Variants in ZFHX3 observed in about 807,000 individuals in gnomAD.
ZFHX3 encodes zinc finger homeobox 3.
A neutral mutation model predicts 279.1 loss-of-function variants in ZFHX3; 42 were observed. The observed-to-expected ratio is 0.15, with a 90% confidence interval of 0.12 to 0.19. The LOEUF (loss-of-function observed/expected upper bound fraction) is 0.19, where lower values mean the gene tolerates loss of function less well. Ranked by LOEUF, ZFHX3 falls within the 10% of genes least tolerant of loss-of-function variation. The pLI is 1.00. For missense variants in ZFHX3, 4,981 were observed against 4,754.0 expected (o/e 1.05, Z -1.40); for synonymous variants, 2,293 against 1,957.8 (o/e 1.17, Z -4.52).
chr16:73,597,646 C>A (rs796740960), intron 2 of ZFHX3, among the ~76,000 whole-genome samples: 1 of 152,152 alleles, frequency 6.6e-6, no homozygotes, highest in African/African-American at 2.4e-5. Flanking sequence ...GATGCATCCA[C>A]AAGCCAAGGA....
chr16:73,012,550 G>T (rs1174878835), intron 1 of ZFHX3, among the ~76,000 whole-genome samples: 1 of 152,140 alleles, frequency 6.6e-6, no homozygotes, highest in Non-Finnish European at 1.5e-5. Context: ...CCCAACGGTG[G>T]CTACACACTA....
At chr16:73,780,906 AC>A (rs1293761484) in intron 1 of ZFHX3, among the ~76,000 whole-genome samples, 4 of 152,200 alleles carry the variant, frequency 2.6e-5, no homozygotes, top group Non-Finnish European at 5.9e-5. Context: ...TTTTTTAGAT[AC>A]CTATTTGCTA....
chr16:73,404,849 T>G (rs994243907), intron 3 of ZFHX3, among the ~76,000 whole-genome samples: 1 of 152,174 alleles, frequency 6.6e-6, no homozygotes, highest in Non-Finnish European at 1.5e-5. Context: ...GGAAGGCCCA[T>G]TCGAAGCACT....
chr16:73,343,807 G>A (rs1309046997), intron 3 of ZFHX3, among the ~76,000 whole-genome samples: 1 of 152,164 alleles, frequency 6.6e-6, no homozygotes, highest in Non-Finnish European at 1.5e-5. Context: ...AATAAATCAT[G>A]ATGGTAATGG....
chr16:73,426,122 C>T (rs1285338527), intron 3 of ZFHX3, among the ~76,000 whole-genome samples: 1 of 152,200 alleles, frequency 6.6e-6, no homozygotes, highest in Non-Finnish European at 1.5e-5. Context: ...CTGGGCCGCC[C>T]ATGAGCCCTG....
intron 4 of ZFHX3, among the ~76,000 whole-genome samples, chr16:73,272,421 T>C (rs2014171915): frequency 6.6e-6 from 1 of 152,214 alleles, no homozygotes. Context: ...GTTAAGTCAA[T>C]ACATATGACA....
chr16:73,729,811 T>C (rs1463594527), intron 1 of ZFHX3, among the ~76,000 whole-genome samples: 1 of 152,186 alleles, frequency 6.6e-6, no homozygotes, highest in Non-Finnish European at 1.5e-5. Flanking sequence ...CCCATGAGGC[T>C]CTATGGGGTC....
At chr16:73,416,700 C>T (rs1408767770) in intron 3 of ZFHX3, among the ~76,000 whole-genome samples, 6 of 151,882 alleles carry the variant, frequency 4.0e-5, no homozygotes, top group African/African-American at 7.2e-5. Flanking sequence ...GGTGAAACCC[C>T]CGTCTCTACT....
At chr16:73,179,492 T>G (rs974570363) in intron 5 of ZFHX3, among the ~76,000 whole-genome samples, 23 of 152,144 alleles carry the variant, frequency 1.5e-4, no homozygotes, top group African/African-American at 5.3e-4. Flanking sequence ...ACAAATTTAC[T>G]AGCACAAGTG....
Position 72,795,149 on chromosome 16 carries a change from G to C in ZFHX3, c.7533C>G (p.Pro2511=). 1 of 1,613,022 alleles carries C rather than the reference G, an allele frequency of 6.2e-7. No homozygotes were observed. The highest frequency in any genetic ancestry group is 8.5e-7 in the Non-Finnish European group (1 of 1,179,358). ...PSQLSHLPLK[P]LHTSTPQQLA... Reference sequence around the variant, plus strand: ...GCTGTTGAGGAGTTGATGTGTGGAGGGGCTTGAGGGGCAGGTGGGAGAGCT... The same window carrying C: ...GCTGTTGAGGAGTTGATGTGTGGAGCGGCTTGAGGGGCAGGTGGGAGAGCT... The change falls in exon 9 of 10, where the codon CCC becomes CCG. Residue 2511 remains proline (P), a synonymous_variant. Coordinates refer to ENST00000268489, the MANE Select transcript of ZFHX3 (RefSeq NM_006885.4).
At chr16:72,920,428 C>A (rs1381441576) in intron 3 of ZFHX3, among the ~76,000 whole-genome samples, 1 of 152,068 alleles carries the variant, frequency 6.6e-6, no homozygotes, top group Admixed American at 6.5e-5. Context: ...TGCCTGTAAT[C>A]CAAGCACTTT....
intron 5 of ZFHX3, among the ~76,000 whole-genome samples, chr16:73,158,578 C>T (rs892584605): frequency 6.6e-6 from 1 of 152,016 alleles, no homozygotes; most frequent in African/African-American, 2.4e-5. Flanking sequence ...CAACATTGAC[C>T]CTTATTCTTC....
intron 2 of ZFHX3, among the ~76,000 whole-genome samples, chr16:73,671,999 C>A (rs777079770): frequency 2.7e-5 from 4 of 150,366 alleles, no homozygotes; most frequent in Admixed American, 1.3e-4. Flanking sequence ...AAATACCAGG[C>A]AAAGAAAATT....
At chr16:73,778,703 C>T (rs1959347312) in intron 1 of ZFHX3, among the ~76,000 whole-genome samples, 1 of 152,180 alleles carries the variant, frequency 6.6e-6, no homozygotes, top group South Asian at 2.1e-4. Flanking sequence ...TCTGAAGCGC[C>T]TTGCTGTTGC....
chr16:72,863,388 C>T (rs865943675), intron 4 of ZFHX3, among the ~76,000 whole-genome samples: 2 of 144,658 alleles, frequency 1.4e-5, no homozygotes, highest in South Asian at 2.2e-4. Context: ...CATGATGGTG[C>T]GTGCCTGTAG....
intron 7 of ZFHX3, among the ~76,000 whole-genome samples, chr16:73,122,624 G>T (rs112777121): frequency 6.6e-6 from 1 of 152,172 alleles, no homozygotes; most frequent in Non-Finnish European, 1.5e-5. Context: ...GCCATCAGGG[G>T]ATTCCCTGTA....
chr16:73,251,455 G>T (rs1441277279), intron 5 of ZFHX3, among the ~76,000 whole-genome samples: 1 of 152,114 alleles, frequency 6.6e-6, no homozygotes, highest in Non-Finnish European at 1.5e-5. Flanking sequence ...TAATCCCATG[G>T]CATATGCACA....
chr16:72,814,016 G>A (rs1331255614), intron 5 of ZFHX3, among the ~76,000 whole-genome samples: 3 of 152,122 alleles, frequency 2.0e-5, no homozygotes, highest in African/African-American at 4.8e-5. Context: ...TTTTTGCTTA[G>A]TGGTTATCTT....
chr16:73,362,838 C>T (rs990378382), intron 3 of ZFHX3, among the ~76,000 whole-genome samples: 9 of 152,166 alleles, frequency 5.9e-5, no homozygotes, highest in Non-Finnish European at 1.0e-4. Context: ...AAACAGAGTA[C>T]GGTCAAACAA....
Sources: allele counts gnomAD v4.1 joint callset (sites outside exome capture counted in the v4.1 genomes callset), GRCh38; gene constraint gnomAD v4.1.1; transcripts MANE v1.5; gene names NCBI Gene and HGNC (gene_info 2026-07-23, HGNC 2026-07-21).